VPS13D: variants seen among roughly 807,000 people sequenced by gnomAD.
VPS13D encodes intermembrane lipid transfer protein VPS13D.
A neutral mutation model predicts 461.9 loss-of-function variants in VPS13D; 187 were observed. That is an observed-to-expected ratio of 0.40 (90% confidence interval 0.36 to 0.46). The LOEUF is 0.46. Ranked by LOEUF, VPS13D falls within the 20% of genes least tolerant of loss-of-function variation. The probability of loss-of-function intolerance (pLI) is 0.60; values close to 1 mark genes in which losing one functional copy is unlikely to be tolerated. For missense variants in VPS13D, 4,711 were observed against 5,364.9 expected, an observed-to-expected ratio of 0.88 and a Z score of 3.81; for synonymous variants, 1,951 against 1,986.3, an observed-to-expected ratio of 0.98 and a Z score of 0.47.
chr1:12,383,444 A>T (rs1288593031), intron 58 of VPS13D, among the ~76,000 whole-genome samples: 4 of 151,972 alleles, frequency 2.6e-5, no homozygotes, highest in Admixed American at 1.3e-4. Context: ...TAGTGTTGTT[A>T]ATTATTATTA....
chr1:12,373,505 T>C (rs1245919569), intron 54 of VPS13D, among the ~76,000 whole-genome samples: 3 of 152,054 alleles, frequency 2.0e-5, no homozygotes, highest in Admixed American at 1.3e-4. Context: ...TCACTAAAAT[T>C]ATGAAGAGAA....
At chr1:12,357,780 C>T (rs918573196) in intron 49 of VPS13D, among the ~76,000 whole-genome samples, 9 of 152,048 alleles carry the variant, frequency 5.9e-5, no homozygotes, top group Admixed American at 6.6e-5. Flanking sequence ...GAGACCGAGG[C>T]GTATCCCAAG....
At chr1:12,327,888 A>G (rs555669172) in intron 36 of VPS13D, 34 bp downstream of exon 36, 2 of 1,598,962 alleles carry the variant, frequency 1.3e-6, no homozygotes, top group East Asian at 2.2e-5. Context: ...ATTCATCTTG[A>G]ATATTTCCAG....
In VPS13D at chr1:12,378,644, C is replaced by T. The variant is rs145926417; in HGVS notation, c.11081+53C>T. The T allele has an allele frequency of 1.6e-4, 230 of 1,434,384 alleles. No homozygotes were observed. In the East Asian group the frequency reaches 4.7e-3, roughly 30 times the overall value. The allele number at this position is 1,434,384 out of a possible 1,614,324, so 88.9% of individuals were successfully genotyped here. Reference sequence around the variant, plus strand: ...AGCTCATTGCTTTCAAATTCAGACTCAGAGGAAATCTACAACAAAAACTAA... The same window carrying T: ...AGCTCATTGCTTTCAAATTCAGACTTAGAGGAAATCTACAACAAAAACTAA... On this transcript the variant is annotated intron_variant, in intron 56 of 69. Coordinates refer to ENST00000620676, the MANE Select transcript of VPS13D (RefSeq NM_015378.4).
chr1:12,390,937 ATCC>A (rs1398619765), intron 60 of VPS13D, among the ~76,000 whole-genome samples: 1 of 152,164 alleles, frequency 6.6e-6, no homozygotes, highest in African/African-American at 2.4e-5. Flanking sequence ...AGTTGTTAAA[ATCC>A]TCCTCTGCTG....
chr1:12,400,136 C>T (rs113813328), intron 60 of VPS13D, 45 bp from the exon 61 acceptor site: 1 of 1,597,164 alleles, frequency 6.3e-7, no homozygotes, highest in Admixed American at 1.7e-5. Flanking sequence ...AACTGAGCCA[C>T]TGGTCTGTTT....
chr1:12,247,371 C>T (rs1444745614), intron 5 of VPS13D, among the ~76,000 whole-genome samples: 1 of 150,020 alleles, frequency 6.7e-6, no homozygotes, highest in East Asian at 2.0e-4. Context: ...GAGCCAAGAT[C>T]ACACCATTGC....
At chr1:12,490,665 CATGGCATG>C (rs1645865758) in intron 67 of VPS13D, among the ~76,000 whole-genome samples, 1 of 151,718 alleles carries the variant, frequency 6.6e-6, no homozygotes, top group Admixed American at 6.6e-5. Context: ...AGATGCAGCC[CATGGCATG>C]GTGGGAGCTA....
At position 12,406,779 on chromosome 1, in the gene VPS13D, G is replaced by A. The variant is rs558788657; in HGVS notation, c.12030+2806G>A. Among the ~76,000 whole-genome samples the A allele has an allele frequency of 2.0e-5, 3 of 152,270 alleles. No homozygotes were observed. In the East Asian group the frequency reaches 5.8e-4, roughly 29 times the overall value. On this transcript the variant is annotated intron_variant, in intron 63 of 69. Coordinates refer to ENST00000620676, the MANE Select transcript of VPS13D (RefSeq NM_015378.4). ...GCCAGGTAGTTTATACGTGTTTTTG[G>A]CTTTTTTTAAAGATCAAAAGAGGCC...
chr1:12,406,138 T>A (rs1486422949), intron 63 of VPS13D, among the ~76,000 whole-genome samples: 1 of 152,122 alleles, frequency 6.6e-6, no homozygotes, highest in Non-Finnish European at 1.5e-5. Flanking sequence ...ACGCCGAGTG[T>A]AGTAAGTTAA....
At chr1:12,447,540 C>T (rs1338871104) in intron 65 of VPS13D, among the ~76,000 whole-genome samples, 1 of 152,144 alleles carries the variant, frequency 6.6e-6, no homozygotes, top group East Asian at 1.9e-4. Flanking sequence ...CCTACTCTGC[C>T]ACACACTCAT....
intron 11 of VPS13D, 28 bp from the exon 12 acceptor site, chr1:12,260,920 C>T (rs776442029): frequency 5.0e-6 from 8 of 1,613,968 alleles, no homozygotes; most frequent in Non-Finnish European, 6.8e-6. Context: ...TTTGAGTACT[C>T]ATCTCTGCTC....
At chr1:12,363,885 G>A (rs896876974) in intron 52 of VPS13D, among the ~76,000 whole-genome samples, 6 of 148,708 alleles carry the variant, frequency 4.0e-5, no homozygotes, top group East Asian at 2.0e-4. Flanking sequence ...TCGGGGAGGC[G>A]GAGGTTGTGG....
In VPS13D at chr1:12,401,654, A is replaced by G. The variant is rs1440581922; in HGVS notation, c.11831A>G (p.Lys3944Arg). The G allele has an allele frequency of 1.2e-6, 2 of 1,613,670 alleles. No individual in the cohort carries two copies. Among genetic ancestry groups the G allele is most frequent in the East Asian group, 4.5e-5 (2 of 44,870 alleles). The change falls in exon 62 of 70, where the codon AAA (lysine) becomes AGA (arginine). Residue 3944 changes from lysine (K) to arginine (R), a missense_variant. By Grantham distance (26) the Lys-to-Arg change is conservative. Transcript: ENST00000620676. ...AQRFTVQIEE[K>R]LLLKLLSFFG... ...AGATTCACAGTGCAAATTGAGGAGA[A>G]ACTGCTCCTCAAGCTGCTAAGTTTC...
chr1:12,404,049 T>C, intron 63 of VPS13D, 76 bp downstream of exon 63: 1 of 1,414,074 alleles, frequency 7.1e-7, no homozygotes, highest in Non-Finnish European at 9.4e-7. Context: ...TATTTGTTGT[T>C]TGTTGTTGTG....
Position 12,314,334 on chromosome 1 carries a change from G to C in VPS13D, c.7148+7G>C. 6.2e-7 allele frequency: 1 copy of C among 1,604,758 alleles called. No homozygotes were observed. The highest frequency in any genetic ancestry group is 8.5e-7 in the Non-Finnish European group (1 of 1,172,394). On this transcript the variant is annotated splice_region_variant and intron_variant, in intron 30 of 69. Transcript: ENST00000620676. Reference sequence around the variant, plus strand: ...AGATTGAACTACATTTCAGGTAGCAGGTCCAGACCCTTCTCTGCCTTTCTT... The same window carrying C: ...AGATTGAACTACATTTCAGGTAGCACGTCCAGACCCTTCTCTGCCTTTCTT...
chr1:12,365,245 C>G (rs952594391), intron 52 of VPS13D, among the ~76,000 whole-genome samples: 9 of 152,076 alleles, frequency 5.9e-5, no homozygotes. Context: ...TTCAGAGTTC[C>G]TTAGATCCAT....
chr1:12,351,061 A>C (rs1487383711), intron 46 of VPS13D, among the ~76,000 whole-genome samples: 1 of 152,254 alleles, frequency 6.6e-6, no homozygotes, highest in Non-Finnish European at 1.5e-5. Flanking sequence ...CTTTGTCCAC[A>C]AAGAACACTA....
At chr1:12,425,678 T>C (rs543323777) in intron 65 of VPS13D, among the ~76,000 whole-genome samples, 65 of 139,456 alleles carry the variant, frequency 4.7e-4, no homozygotes, top group African/African-American at 1.7e-3. Flanking sequence ...CTTTCACATA[T>C]ACCCAATAGG....
Sources: gnomAD v4.1 joint callset for allele counts (sites outside exome capture counted in the v4.1 genomes callset) on GRCh38, gnomAD v4.1.1 for gene constraint, MANE v1.5 for transcripts, NCBI Gene and HGNC (gene_info 2026-07-23, HGNC 2026-07-21) for gene names.